CHP1: variants seen among roughly 807,000 people sequenced by gnomAD.
The protein encoded by CHP1 is calcineurin like EF-hand protein 1.
CHP1 carries 11 observed loss-of-function variants against 27.4 expected under a neutral mutation model. That is an observed-to-expected ratio of 0.40 (90% CI 0.25 to 0.67). CHP1 has a LOEUF of 0.67. Ranked by LOEUF, CHP1 falls within the 30% of genes least tolerant of loss-of-function variation. CHP1 has a pLI of 0.38. For synonymous variants in CHP1, 89 were observed against 87.4 expected (o/e 1.02, Z -0.10); for missense variants, 169 against 251.3 (o/e 0.67, Z 2.22).
chr15:41,231,314 C>G lies in CHP1; in HGVS notation c.-69C>G. On this transcript the variant is annotated 5_prime_UTR_variant, in exon 1 of 7. Coordinates refer to ENST00000334660, the MANE Select transcript of CHP1 (RefSeq NM_007236.5). ...CTTCTTGACCCCTAGCCCTTCCTTC[C>G]CTCCCTCCTTCCCTCCTGTCGCCGT... The G allele has an allele frequency of 6.9e-7, 1 of 1,449,294 alleles. No homozygotes were observed. Among genetic ancestry groups the G allele is most frequent in the Non-Finnish European group, 9.5e-7 (1 of 1,052,758 alleles). The allele number at this position is 1,449,294 out of a possible 1,614,324, so 89.8% of individuals were successfully genotyped here.
intron 1 of CHP1, among the ~76,000 whole-genome samples, chr15:41,234,522 G>A (rs550243735): frequency 6.6e-6 from 1 of 152,116 alleles, no homozygotes; most frequent in Non-Finnish European, 1.5e-5. Flanking sequence ...GGAATTTGAT[G>A]ATTATATTTA....
chr15:41,250,033 A>G (rs1467940041), intron 2 of CHP1, among the ~76,000 whole-genome samples: 2 of 149,566 alleles, frequency 1.3e-5, no homozygotes, highest in African/African-American at 4.9e-5. Flanking sequence ...TCAGAGACTC[A>G]CTCCGAAGCA....
chr15:41,249,872 A>G (rs926274995), intron 2 of CHP1, among the ~76,000 whole-genome samples: 1 of 148,394 alleles, frequency 6.7e-6, no homozygotes, highest in Non-Finnish European at 1.5e-5. Flanking sequence ...AAGGTGCTCC[A>G]TGTCTGGGCC....
Position 41,231,439 on chromosome 15 carries a change from G to A in CHP1, c.57G>A (p.Lys19=). The change falls in exon 1 of 7, where the codon AAG becomes AAA. Residue 19 remains lysine, a synonymous_variant. Coordinates refer to ENST00000334660, the MANE Select transcript of CHP1 (RefSeq NM_007236.5). ...LRDEELEEIK[K]ETGFSHSQIT... is the part of the protein sequence containing the mutation. ...ACGAAGAGCTCGAGGAGATCAAGAA[G>A]GAGACCGGCTGTGAGTTCGGGTTGG... The A allele has an allele frequency of 6.2e-7, 1 of 1,602,990 alleles. No homozygotes were observed. The highest frequency in any genetic ancestry group is 8.5e-7 in the Non-Finnish European group (1 of 1,175,982).
At chr15:41,269,774 A>C (rs1236692231) in intron 4 of CHP1, among the ~76,000 whole-genome samples, 1 of 152,104 alleles carries the variant, frequency 6.6e-6, no homozygotes, top group Non-Finnish European at 1.5e-5. Flanking sequence ...GGCATTCTTG[A>C]AGTGATTCAA....
intron 3 of CHP1, among the ~76,000 whole-genome samples, chr15:41,261,819 C>T (rs1368789449): frequency 6.6e-6 from 1 of 151,780 alleles, no homozygotes; most frequent in African/African-American, 2.4e-5. Flanking sequence ...ATGGAGAAAC[C>T]CCGTCTCTAC....
Position 41,278,769 on chromosome 15 carries a change from G to A in CHP1, c.414G>A (p.Val138=), listed in dbSNP as rs373663194. The change falls in exon 6 of 7, where the codon GTG becomes GTA. Residue 138 remains valine, a splice_region_variant and synonymous_variant. Transcript: ENST00000334660. ...EKISRDELLQ[V]LRMMVGVNIS... is the part of the protein sequence containing the mutation. ...ATTCCTGGCTCTTGGTCTTCCAGGT[G>A]CTACGCATGATGGTCGGAGTAAATA... 1.4e-5 allele frequency: 22 copies of A among 1,614,106 alleles called. No homozygotes were observed. The highest frequency in any genetic ancestry group is 1.8e-5 in the Non-Finnish European group (21 of 1,179,992).
rs1037699986 is a variant in CHP1 at position 41,248,553 on chromosome 15, A to T, written c.140+4814A>T. 2.0e-5 allele frequency among the ~76,000 whole-genome samples: 3 copies of T among 152,140 alleles called. No homozygotes were observed. The East Asian group carries it at 5.8e-4, about 29-fold the overall frequency. On this transcript the variant is annotated intron_variant, in intron 2 of 6. Transcript: ENST00000334660. ...AGTACTGGGATTATAGGCATAAGCC[A>T]CTGTACCTGGCCTGAAAGCTCTAGG...
At chr15:41,256,301 T>C (rs1483211628) in intron 2 of CHP1, among the ~76,000 whole-genome samples, 1 of 152,178 alleles carries the variant, frequency 6.6e-6, no homozygotes, top group Non-Finnish European at 1.5e-5. Flanking sequence ...GCCTAAGTCA[T>C]GTGAGGATGA....
intron 1 of CHP1, among the ~76,000 whole-genome samples, chr15:41,238,034 G>T (rs2047286185): frequency 6.6e-6 from 1 of 151,952 alleles, no homozygotes; most frequent in Middle Eastern, 3.4e-3. Context: ...CTCCCTTTTT[G>T]TTTTTATTCT....
At chr15:41,260,960 G>A (rs889654277) in intron 3 of CHP1, among the ~76,000 whole-genome samples, 3 of 146,536 alleles carry the variant, frequency 2.0e-5, no homozygotes, top group African/African-American at 5.1e-5. Flanking sequence ...CTCGGCTCAC[G>A]CAACTTCTGC....
At chr15:41,247,875 A>G (rs973759523) in intron 2 of CHP1, among the ~76,000 whole-genome samples, 4 of 151,946 alleles carry the variant, frequency 2.6e-5, no homozygotes, top group Admixed American at 2.6e-4. Flanking sequence ...AGGCTGAGGC[A>G]GGAGAATGGT....
Position 41,281,818 on chromosome 15 carries a change from G to C in CHP1, c.*2429G>C, listed in dbSNP as rs951078737. On this transcript the variant is annotated 3_prime_UTR_variant, in exon 7 of 7. Transcript: ENST00000334660. ...TGTATAGCAAAGTGTTTTAATCCAC[G>C]GTTGTGCCTTATTGTTCCATTAAAA... is the stretch of plus-strand genomic sequence containing the variant. 9 of 152,516 alleles carry C rather than the reference G, an allele frequency of 5.9e-5. No individual in the cohort carries two copies. The highest frequency in any genetic ancestry group is 2.2e-4 in the African/African-American group (9 of 41,388). The allele number at this position is 152,516 out of a possible 1,614,324, so 9.4% of individuals were successfully genotyped here.
rs550234267 is a variant in CHP1, at chr15:41,245,065, C to T, written c.140+1326C>T. 1.8e-4 allele frequency among the ~76,000 whole-genome samples: 28 copies of T among 152,292 alleles called. 1 individual carries two copies. The highest frequency in any genetic ancestry group is 6.5e-4 in the African/African-American group (27 of 41,576). On this transcript the variant is annotated intron_variant, in intron 2 of 6. Transcript: ENST00000334660. ...CATGGGGTTAAGCATACCTATTAAG[C>T]ATACGTATTTCCCCCTTCTCTCATC...
chr15:41,255,606 G>A (rs1248687325), intron 2 of CHP1, among the ~76,000 whole-genome samples: 18 of 152,270 alleles, frequency 1.2e-4, no homozygotes, highest in African/African-American at 4.1e-4. Context: ...CCGGGAGGAG[G>A]AGGTTGCAGT....
In CHP1 at chr15:41,280,892, TC is replaced by T. The variant is rs2047542405; in HGVS notation, c.*1504del. On this transcript the variant is annotated 3_prime_UTR_variant, in exon 7 of 7. Transcript: ENST00000334660. ...TCTTTTTTTTGAGATGGAGTCTCAC[TC>T]TGTCACCCAGGCTGGAGTGCAGTGG... 1 of 152,046 alleles carries T rather than the reference TC, an allele frequency of 6.6e-6. No homozygotes were observed. The highest frequency in any genetic ancestry group is 1.5e-5 in the Non-Finnish European group (1 of 68,154). 9.4% of individuals were successfully genotyped at this position (152,046 alleles called of 1,614,324 possible). A position where few individuals can be genotyped will look rare whatever the true frequency, so the allele number is the denominator to read the frequency against.
At position 41,266,099 on chromosome 15, in the gene CHP1, C is replaced by T. The variant is rs149096298; in HGVS notation, c.349+3216C>T. Among the ~76,000 whole-genome samples the T allele has an allele frequency of 1.1e-3, 162 of 152,204 alleles. 2 individuals carry two copies. Among genetic ancestry groups the T allele is most frequent in the African/African-American group, 3.6e-3 (149 of 41,538 alleles). On this transcript the variant is annotated intron_variant, in intron 4 of 6. Coordinates refer to ENST00000334660, the MANE Select transcript of CHP1 (RefSeq NM_007236.5). Reference sequence around the variant, plus strand: ...AGGAGTTCGAGACCAGCCTGACCAACATGGTGAAACCATGTCTCTTCTAAA... The same window carrying T: ...AGGAGTTCGAGACCAGCCTGACCAATATGGTGAAACCATGTCTCTTCTAAA...
chr15:41,232,387 T>C (rs549087087), intron 1 of CHP1, among the ~76,000 whole-genome samples: 1 of 152,044 alleles, frequency 6.6e-6, no homozygotes, highest in South Asian at 2.1e-4. Flanking sequence ...ATTTTTGTAT[T>C]TTTGGTAGAG....
chr15:41,248,316 T>C (rs1034090576), intron 2 of CHP1, among the ~76,000 whole-genome samples: 1 of 151,782 alleles, frequency 6.6e-6, no homozygotes, highest in Non-Finnish European at 1.5e-5. Flanking sequence ...GCCTGGCTAA[T>C]TTTTTTTTCT....
Sources: gnomAD v4.1 joint callset for allele counts (sites outside exome capture counted in the v4.1 genomes callset) on GRCh38, gnomAD v4.1.1 for gene constraint, MANE v1.5 for transcripts, NCBI Gene and HGNC (gene_info 2026-07-23, HGNC 2026-07-21) for gene names.